The following RAB21 variants were observed in gnomAD, a reference collection of about 807,000 sequenced individuals.
The protein encoded by RAB21 is RAB21, member RAS oncogene family.
In RAB21, 13 loss-of-function variants were observed where a neutral mutation model predicts 33.1. The observed-to-expected ratio is 0.39, with a 90% CI of 0.26 to 0.62. The LOEUF is 0.62. RAB21 is among the 20% of genes least tolerant of loss of function. The pLI is 0.48. For missense variants in RAB21, 234 were observed against 279.1 expected (o/e 0.84, Z 1.15); for synonymous variants, 91 against 103.7 (o/e 0.88, Z 0.74).
intron 1 of RAB21, among the ~76,000 whole-genome samples, chr12:71,762,096 T>C (rs912664996): frequency 3.3e-5 from 5 of 152,218 alleles, no homozygotes; most frequent in African/African-American, 1.2e-4. Context: ...ACTTAAGAAA[T>C]GAGTTTTTGT....
chr12:71,790,322 A>G lies in RAB21; in HGVS notation c.*4649A>G, dbSNP rs894766740. ...GATTTTGATACTTTCTGGCAACTGT[A>G]TCATCTCTTCACTATCACGTATTTT... On this transcript the variant is annotated 3_prime_UTR_variant, in exon 7 of 7. Coordinates refer to ENST00000261263, the MANE Select transcript of RAB21 (RefSeq NM_014999.4). The G allele has an allele frequency of 2.0e-5, 3 of 152,294 alleles. No homozygotes were observed. Among genetic ancestry groups the G allele is most frequent in the African/African-American group, 7.2e-5 (3 of 41,570 alleles). 9.4% of individuals were successfully genotyped at this position (152,294 alleles called of 1,614,324 possible).
chr12:71,783,443 G>T lies in RAB21; in HGVS notation c.535+785G>T, dbSNP rs1332863500. ...GTTTTTCTCTCTAGAAAAGAATATTGATATGTGTGTGTGTGTGTACACACA... is the reference window on the plus strand; with the variant it reads ...GTTTTTCTCTCTAGAAAAGAATATTTATATGTGTGTGTGTGTGTACACACA... On this transcript the variant is annotated intron_variant, in intron 6 of 6. Coordinates refer to ENST00000261263, the MANE Select transcript of RAB21 (RefSeq NM_014999.4). 2.6e-5 allele frequency among the ~76,000 whole-genome samples: 4 copies of T among 151,228 alleles called. No homozygotes were observed. In the East Asian group the frequency reaches 7.8e-4, roughly 30 times the overall value.
At chr12:71,785,267 CA>C (rs796676891) in intron 6 of RAB21, among the ~76,000 whole-genome samples, 1 of 151,992 alleles carries the variant, frequency 6.6e-6, no homozygotes, top group Admixed American at 6.6e-5. Flanking sequence ...TTGTTCAGAG[CA>C]AAAAAATTTT....
intron 1 of RAB21, among the ~76,000 whole-genome samples, chr12:71,758,057 G>A (rs897371341): frequency 2.0e-5 from 3 of 151,300 alleles, no homozygotes; most frequent in Non-Finnish European, 2.9e-5. Flanking sequence ...TTTTGAGATG[G>A]AGTCTCACTC....
At chr12:71,783,697 C>CT (rs1456822476) in intron 6 of RAB21, among the ~76,000 whole-genome samples, 1 of 152,232 alleles carries the variant, frequency 6.6e-6, no homozygotes, top group East Asian at 1.9e-4. Flanking sequence ...CCAATGCACA[C>CT]TAAAATATAA....
rs1306795563 is a variant in RAB21, at chr12:71,794,389, C to T, written c.*8716C>T. ...TGTCTCTACTAAAAACAAAACAAAA[C>T]AAAACCATATATATATTATATATAT... On this transcript the variant is annotated 3_prime_UTR_variant, in exon 7 of 7. Coordinates refer to ENST00000261263, the MANE Select transcript of RAB21 (RefSeq NM_014999.4). The T allele has an allele frequency of 8.5e-6, 1 of 117,954 alleles. No homozygotes were observed. The highest frequency in any genetic ancestry group is 3.2e-5 in the African/African-American group (1 of 31,146). 7.3% of individuals were successfully genotyped at this position (117,954 alleles called of 1,614,324 possible).
rs955454703 is a variant in RAB21, at chr12:71,793,359, C to A, written c.*7686C>A. 2 of 151,986 alleles carry A rather than the reference C, an allele frequency of 1.3e-5. No individual in the cohort carries two copies. The highest frequency in any genetic ancestry group is 4.8e-5 in the African/African-American group (2 of 41,374). 9.4% of individuals were successfully genotyped at this position (151,986 alleles called of 1,614,324 possible). On this transcript the variant is annotated 3_prime_UTR_variant, in exon 7 of 7. Coordinates refer to ENST00000261263, the MANE Select transcript of RAB21 (RefSeq NM_014999.4). ...AGAGTGTGGGTCCCTTTTTTTCTATCTGAAATTGAAGATACAGGTCAGAAA... is the reference window on the plus strand; with the variant it reads ...AGAGTGTGGGTCCCTTTTTTTCTATATGAAATTGAAGATACAGGTCAGAAA...
At chr12:71,769,775 G>C (rs183602405) in intron 1 of RAB21, 25 bp from the exon 2 acceptor site, 1 of 1,167,270 alleles carries the variant, frequency 8.6e-7, no homozygotes, top group Non-Finnish European at 1.2e-6. Context: ...AAGAAACATT[G>C]TTTAATGTTT....
intron 4 of RAB21, among the ~76,000 whole-genome samples, chr12:71,775,341 G>A (rs1030811146): frequency 1.6e-4 from 25 of 152,144 alleles, no homozygotes; most frequent in African/African-American, 6.0e-4. Flanking sequence ...AAATGAAGTC[G>A]TTCTGACTCT....
chr12:71,784,828 A>G (rs1883259528), intron 6 of RAB21, among the ~76,000 whole-genome samples: 1 of 152,134 alleles, frequency 6.6e-6, no homozygotes, highest in South Asian at 2.1e-4. Context: ...ACAGTGGCTC[A>G]CACCTATAAG....
chr12:71,762,229 T>C (rs1172536908), intron 1 of RAB21, among the ~76,000 whole-genome samples: 3 of 152,248 alleles, frequency 2.0e-5, no homozygotes, highest in Non-Finnish European at 2.9e-5. Flanking sequence ...AAACTAATTA[T>C]AATCCTTGTT....
Position 71,782,030 on chromosome 12 carries a change from G to A in RAB21, c.392-1G>A. ...ATAAATATTTACTTTTTTCAAAATA[G>A]GTAATAAAATAGACTTGGAAAAGGA... On this transcript the variant is annotated splice_acceptor_variant, in intron 4 of 6. Transcript: ENST00000261263. LOFTEE classifies it high-confidence loss of function. 6.3e-7 allele frequency: 1 copy of A among 1,591,148 alleles called. No homozygotes were observed. Among genetic ancestry groups the A allele is most frequent in the Non-Finnish European group, 8.6e-7 (1 of 1,161,032 alleles).
In RAB21 at chr12:71,794,781, T is replaced by C. The variant is rs1350385426; in HGVS notation, c.*9108T>C. On this transcript the variant is annotated 3_prime_UTR_variant, in exon 7 of 7. Coordinates refer to ENST00000261263, the MANE Select transcript of RAB21 (RefSeq NM_014999.4). The stretch of plus-strand genomic sequence containing the variant: ...ATATTTCATATATATATTATATATA[T>C]ATAAAATTAACCGGGCATGGTAGTG... The C allele has an allele frequency of 1.4e-5, 2 of 146,638 alleles. No homozygotes were observed. Among genetic ancestry groups the C allele is most frequent in the East Asian group, 2.0e-4 (1 of 5,002 alleles). The allele number at this position is 146,638 out of a possible 1,614,324, so 9.1% of individuals were successfully genotyped here.
chr12:71,760,340 C>T (rs1388339952), intron 1 of RAB21, among the ~76,000 whole-genome samples: 3 of 152,102 alleles, frequency 2.0e-5, no homozygotes, highest in Non-Finnish European at 2.9e-5. Context: ...CTGATAGTTA[C>T]GGAGTAATCC....
At chr12:71,760,371 T>C (rs2137638978) in intron 1 of RAB21, among the ~76,000 whole-genome samples, 1 of 152,136 alleles carries the variant, frequency 6.6e-6, no homozygotes, top group Non-Finnish European at 1.5e-5. Flanking sequence ...CTCTCTTAAC[T>C]TATATAGAGT....
At chr12:71,763,029 A>G (rs1007762509) in intron 1 of RAB21, among the ~76,000 whole-genome samples, 2 of 151,996 alleles carry the variant, frequency 1.3e-5, no homozygotes, top group East Asian at 1.9e-4. Context: ...AAAATTAACA[A>G]ATAGTTGTAC....
chr12:71,782,497 A>T, intron 5 of RAB21, 73 bp from the exon 6 acceptor site: 1 of 991,022 alleles, frequency 1.0e-6, no homozygotes, highest in Non-Finnish European at 1.5e-6. Flanking sequence ...TAAAACTGTT[A>T]CTATAAAAAA....
intron 4 of RAB21, among the ~76,000 whole-genome samples, chr12:71,774,856 G>C (rs531120245): frequency 1.3e-5 from 2 of 151,112 alleles, no homozygotes; most frequent in Non-Finnish European, 2.9e-5. Context: ...AAACTAAACA[G>C]TTGGGGCTTC....
chr12:71,774,862 G>A lies in RAB21; in HGVS notation c.391+840G>A, dbSNP rs11178942. On this transcript the variant is annotated intron_variant, in intron 4 of 6. Transcript: ENST00000261263. ...GCAAATTGGAAACTAAACAGTTGGG[G>A]CTTCAAGTTTCCCAGCCTTGCTTCA... Among the ~76,000 whole-genome samples, 25 of 150,742 alleles carry A rather than the reference G, an allele frequency of 1.7e-4. No homozygotes were observed. The East Asian group carries it at 3.1e-3, about 19-fold the overall frequency.
Sources: gnomAD v4.1 joint callset for allele counts (sites outside exome capture counted in the v4.1 genomes callset) on GRCh38, gnomAD v4.1.1 for gene constraint, MANE v1.5 for transcripts, NCBI Gene and HGNC (gene_info 2026-07-23, HGNC 2026-07-21) for gene names.